The following HEMK1 variants were observed in gnomAD, a reference collection of about 807,000 sequenced individuals.
HEMK1 encodes the protein HemK methyltransferase 1, mitochondrial release factors N(5)-glutamine, also known as MTRF1L release factor glutamine methyltransferase.
HEMK1 carries 36 observed loss-of-function variants against 47.9 expected under a neutral mutation model. The ratio of observed to expected loss-of-function variants is 0.75; its 90% CI spans 0.58 to 0.99. The LOEUF (loss-of-function observed/expected upper bound fraction) is 0.99, where lower values mean the gene tolerates loss of function less well. Ranked by LOEUF, HEMK1 falls within the 50% of genes least tolerant of loss-of-function variation. The pLI is 0.00. For synonymous variants in HEMK1, 153 were observed against 165.4 expected, an observed-to-expected ratio of 0.93 and a Z score of 0.57; for missense variants, 383 against 434.5, an observed-to-expected ratio of 0.88 and a Z score of 1.05.
intron 4 of HEMK1, among the ~76,000 whole-genome samples, chr3:50,574,806 A>G (rs1440510736): frequency 2.6e-5 from 4 of 152,178 alleles, no homozygotes; most frequent in Non-Finnish European, 5.9e-5. Flanking sequence ...TCCTGCTGGA[A>G]CTGGGCCCCC....
intron 1 of HEMK1, chr3:50,570,305 G>A (rs1700794007): frequency 6.6e-6 from 1 of 152,234 alleles, no homozygotes; most frequent in Admixed American, 6.5e-5. Flanking sequence ...AGTTAAACTT[G>A]CTTGTGACCT....
rs1021051033 is a variant in HEMK1, at chr3:50,572,192, C to T, written c.398C>T (p.Pro133Leu). Residue 133 changes from proline (P) to leucine (L), a missense_variant, in exon 4 of 11, where the codon CCT (proline) becomes CTT (leucine). Pro to Leu is a moderately conservative substitution (Grantham distance 98). Transcript: ENST00000232854. ...AGGATGGTGCCCCCAGTGTTTATTC[C>T]TCGGCCAGAAACAGAGGTAGGTGTG... is the stretch of plus-strand genomic sequence containing the variant. The part of the protein sequence containing the change: ...SLRMVPPVFI[P>L]RPETEELVEW... The T allele has an allele frequency of 4.3e-6, 7 of 1,611,084 alleles. No homozygotes were observed. Among genetic ancestry groups the T allele is most frequent in the African/African-American group, 4.0e-5 (3 of 74,818 alleles).
chr3:50,580,301 T>C (rs1208537559), intron 10 of HEMK1, 72 bp downstream of exon 10: 1 of 1,606,342 alleles, frequency 6.2e-7, no homozygotes, highest in Non-Finnish European at 8.5e-7. Context: ...GCCCTGGCTG[T>C]CAGGAGAGTG....
In HEMK1 at chr3:50,571,755, CAGCAA is replaced by C. The variant is rs1700990624; in HGVS notation, c.275_279del (p.Gln92ProfsTer9). 6.2e-7 allele frequency: 1 copy of C among 1,614,090 alleles called. No individual in the cohort carries two copies. The highest frequency in any genetic ancestry group is 8.5e-7 in the Non-Finnish European group (1 of 1,180,048). ...ACTTTGGACCCAGCCCTTGACCTCT[CAGCAA>C]CTACAGTGTATCCGGGAGCTGAGTA... On this transcript the variant is annotated frameshift_variant, in exon 3 of 11. Transcript: ENST00000232854. LOFTEE classifies it high-confidence loss of function.
In HEMK1 at chr3:50,580,803, TG is replaced by T. The variant is rs1356972052; in HGVS notation, c.*391del. On this transcript the variant is annotated 3_prime_UTR_variant, in exon 11 of 11. Transcript: ENST00000232854. ...GTCAGTCCCCTGCTTGGTAGTGGTGTGGGGGTGCAGTGTGGAGGAAGGCACG... is the reference window on the plus strand; with the variant it reads ...GTCAGTCCCCTGCTTGGTAGTGGTGTGGGGTGCAGTGTGGAGGAAGGCACG... 1.9e-5 allele frequency: 6 copies of T among 311,510 alleles called. No homozygotes were observed. The highest frequency in any genetic ancestry group is 3.1e-5 in the Non-Finnish European group (5 of 163,656). The allele number at this position is 311,510 out of a possible 1,614,324, so 19.3% of individuals were successfully genotyped here. A position where few individuals can be genotyped will look rare whatever the true frequency, so the allele number is the denominator to read the frequency against.
chr3:50,573,014 C>T (rs1000381217), intron 4 of HEMK1, among the ~76,000 whole-genome samples: 3 of 152,186 alleles, frequency 2.0e-5, no homozygotes, highest in African/African-American at 7.2e-5. Context: ...AAGGTTAGTT[C>T]CCATTCCCCT....
At chr3:50,576,194 C>A (rs1701575335) in intron 4 of HEMK1, among the ~76,000 whole-genome samples, 1 of 152,224 alleles carries the variant, frequency 6.6e-6, no homozygotes, top group South Asian at 2.1e-4. Flanking sequence ...GGGGGCCTCT[C>A]AAGCCCAGCT....
Position 50,592,201 on chromosome 3 carries a change from T to C in HEMK1, c.*11784T>C, listed in dbSNP as rs147327454. 104 of 151,688 alleles carry C rather than the reference T, an allele frequency of 6.9e-4. No individual in the cohort carries two copies. Among genetic ancestry groups the C allele is most frequent in the African/African-American group, 2.4e-3 (100 of 41,302 alleles). 9.4% of individuals were successfully genotyped at this position (151,688 alleles called of 1,614,324 possible). A position where few individuals can be genotyped will look rare whatever the true frequency, so the allele number is the denominator to read the frequency against. ...AGGTGAGGCAGGTCTGGGAGGGAAATGAACCAGACCTTATCCACATCCCTG... is the reference window on the plus strand; with the variant it reads ...AGGTGAGGCAGGTCTGGGAGGGAAACGAACCAGACCTTATCCACATCCCTG... On this transcript the variant is annotated 3_prime_UTR_variant, in exon 11 of 11. Coordinates refer to ENST00000232854, the MANE Select transcript of HEMK1 (RefSeq NM_016173.5).
At chr3:50,577,606 C>T (rs1160699464) in intron 6 of HEMK1, 33 bp downstream of exon 6, 1 of 1,593,090 alleles carries the variant, frequency 6.3e-7, no homozygotes, top group Non-Finnish European at 8.6e-7. Context: ...GGGGCCTAAT[C>T]TTGACTCCTT....
chr3:50,580,450 G>A lies in HEMK1; in HGVS notation c.*33G>A, dbSNP rs768127644. 3.9e-5 allele frequency: 63 copies of A among 1,611,962 alleles called. No homozygotes were observed. The highest frequency in any genetic ancestry group is 6.7e-5 in the East Asian group (3 of 44,878). Reference sequence around the variant, plus strand: ...GCCCTGTGGATGCCTTGTCAGTGCCGCCAGCCTGACCAGAGGGGAGGTGGA... The same window carrying A: ...GCCCTGTGGATGCCTTGTCAGTGCCACCAGCCTGACCAGAGGGGAGGTGGA... On this transcript the variant is annotated 3_prime_UTR_variant, in exon 11 of 11. Transcript: ENST00000232854.
intron 4 of HEMK1, among the ~76,000 whole-genome samples, chr3:50,573,040 C>A (rs1297117760): frequency 6.6e-6 from 1 of 152,216 alleles, no homozygotes; most frequent in African/African-American, 2.4e-5. Flanking sequence ...GGCCAGGGGG[C>A]CCCAAACCCT....
chr3:50,594,338 T>G lies in HEMK1; in HGVS notation c.*13921T>G, dbSNP rs2031862680. The stretch of plus-strand genomic sequence containing the variant: ...TGAGCTGATTGCCAGGACTACACTG[T>G]CATACTGTGGTACCAAAGAAAAATT... On this transcript the variant is annotated 3_prime_UTR_variant, in exon 11 of 11. Coordinates refer to ENST00000232854, the MANE Select transcript of HEMK1 (RefSeq NM_016173.5). 6.6e-6 allele frequency: 1 copy of G among 152,210 alleles called. No homozygotes were observed. The highest frequency in any genetic ancestry group is 1.5e-5 in the Non-Finnish European group (1 of 68,048). 9.4% of individuals were successfully genotyped at this position (152,210 alleles called of 1,614,324 possible).
At position 50,595,234 on chromosome 3, in the gene HEMK1, T is replaced by C. The variant is rs1174241952; in HGVS notation, c.*14817T>C. The C allele has an allele frequency of 6.6e-6, 1 of 152,180 alleles. No homozygotes were observed. Among genetic ancestry groups the C allele is most frequent in the African/African-American group, 2.4e-5 (1 of 41,432 alleles). The allele number at this position is 152,180 out of a possible 1,614,324, so 9.4% of individuals were successfully genotyped here. A position where few individuals can be genotyped will look rare whatever the true frequency, so the allele number is the denominator to read the frequency against. On this transcript the variant is annotated 3_prime_UTR_variant, in exon 11 of 11. Transcript: ENST00000232854. ...GCAAACAAGTTAGTCTATCATAGTCTATCATATTCTCAAGGATCATGGCAG... is the reference window on the plus strand; with the variant it reads ...GCAAACAAGTTAGTCTATCATAGTCCATCATATTCTCAAGGATCATGGCAG...
chr3:50,571,196 C>T lies in HEMK1; in HGVS notation c.92C>T (p.Pro31Leu). The T allele has an allele frequency of 6.2e-7, 1 of 1,613,832 alleles. No individual in the cohort carries two copies. The highest frequency in any genetic ancestry group is 8.5e-7 in the Non-Finnish European group (1 of 1,179,902). ...GGCTGGGCCTTCAGCTCATGGCAACCCCAACCACCTCTGGCTGGGTTATCC... is the reference window on the plus strand; with the variant it reads ...GGCTGGGCCTTCAGCTCATGGCAACTCCAACCACCTCTGGCTGGGTTATCC... The part of the protein sequence containing the change: ...TRGWAFSSWQ[P>L]QPPLAGLSSA... Residue 31 changes from proline to leucine, a missense_variant, in exon 2 of 11, where the codon CCC becomes CTC. By Grantham distance (98) the Pro-to-Leu change is moderately conservative (BLOSUM62 -3). Transcript: ENST00000232854.
chr3:50,574,163 C>G (rs997295964), intron 4 of HEMK1, among the ~76,000 whole-genome samples: 6 of 152,216 alleles, frequency 3.9e-5, no homozygotes, highest in African/African-American at 1.4e-4. Context: ...TTCCCGCATG[C>G]GTCTGTGCCC....
rs1177850319 is a variant in HEMK1 at position 50,594,245 on chromosome 3, T to C, written c.*13828T>C. 7 of 152,254 alleles carry C rather than the reference T, an allele frequency of 4.6e-5. No individual in the cohort carries two copies. Among genetic ancestry groups the C allele is most frequent in the Non-Finnish European group, 1.0e-4 (7 of 68,044 alleles). 9.4% of individuals were successfully genotyped at this position (152,254 alleles called of 1,614,324 possible). ...AAAAATGGTTCAGTCTAGTTCTGGC[T>C]GACTCTGATTTTTTGTTTATTTTAG... On this transcript the variant is annotated 3_prime_UTR_variant, in exon 11 of 11. Coordinates refer to ENST00000232854, the MANE Select transcript of HEMK1 (RefSeq NM_016173.5).
Position 50,594,717 on chromosome 3 carries a change from C to T in HEMK1, c.*14300C>T, listed in dbSNP as rs1162009801. The stretch of plus-strand genomic sequence containing the variant: ...GGTAGACACATGCCCAGCTCCCTCA[C>T]CCCTTGGGTGGGACAACCGTGGCTT... On this transcript the variant is annotated 3_prime_UTR_variant, in exon 11 of 11. Transcript: ENST00000232854. 2.6e-5 allele frequency: 4 copies of T among 152,280 alleles called. No individual in the cohort carries two copies. Among genetic ancestry groups the T allele is most frequent in the African/African-American group, 9.6e-5 (4 of 41,472 alleles). 9.4% of individuals were successfully genotyped at this position (152,280 alleles called of 1,614,324 possible). A position where few individuals can be genotyped will look rare whatever the true frequency, so the allele number is the denominator to read the frequency against.
At chr3:50,574,995 T>A (rs1447018457) in intron 4 of HEMK1, among the ~76,000 whole-genome samples, 1 of 152,078 alleles carries the variant, frequency 6.6e-6, no homozygotes, top group Non-Finnish European at 1.5e-5. Flanking sequence ...GGGGAACTTA[T>A]GTGGAAAATG....
Position 50,581,647 on chromosome 3 carries a change from AT to A in HEMK1, c.*1232del, listed in dbSNP as rs2030824978. ...TGTGCATGCTGGCATCTGAATGTCCATTCGCCAGGCATGGAGAGCAAGAGAA... is the reference window on the plus strand; with the variant it reads ...TGTGCATGCTGGCATCTGAATGTCCATCGCCAGGCATGGAGAGCAAGAGAA... On this transcript the variant is annotated 3_prime_UTR_variant, in exon 11 of 11. Coordinates refer to ENST00000232854, the MANE Select transcript of HEMK1 (RefSeq NM_016173.5). The A allele has an allele frequency of 2.0e-5, 3 of 152,258 alleles. No individual in the cohort carries two copies. Among genetic ancestry groups the A allele is most frequent in the African/African-American group, 7.2e-5 (3 of 41,464 alleles). 9.4% of individuals were successfully genotyped at this position (152,258 alleles called of 1,614,324 possible).
Sources: allele counts gnomAD v4.1 joint callset (sites outside exome capture counted in the v4.1 genomes callset), GRCh38; gene constraint gnomAD v4.1.1; transcripts MANE v1.5; gene names NCBI Gene and HGNC (gene_info 2026-07-23, HGNC 2026-07-21).